Variants in UNC5C observed in about 807,000 individuals in gnomAD.
UNC5C encodes netrin receptor UNC5C.
In UNC5C, 47 loss-of-function variants were observed where a neutral mutation model predicts 99.8. The observed-to-expected ratio is 0.47, with a 90% confidence interval of 0.37 to 0.60. The LOEUF is 0.60. Among genes scored for constraint, UNC5C ranks in the 20% least tolerant of loss-of-function variants. The pLI is 0.00. For synonymous variants in UNC5C, 487 were observed against 452.2 expected (o/e 1.08, Z -0.98); for missense variants, 1,062 against 1,165.9 (o/e 0.91, Z 1.30).
intron 1 of UNC5C, among the ~76,000 whole-genome samples, chr4:95,524,563 G>A (rs962837484): frequency 7.9e-5 from 12 of 152,086 alleles, no homozygotes; most frequent in Admixed American, 3.3e-4. Flanking sequence ...CACCATATTG[G>A]GCCCATATTC....
At chr4:95,307,041 A>G (rs1301515690) in intron 2 of UNC5C, among the ~76,000 whole-genome samples, 2 of 152,170 alleles carry the variant, frequency 1.3e-5, no homozygotes, top group African/African-American at 4.8e-5. Context: ...CCCTGTCATT[A>G]TTTAGAAGGA....
chr4:95,287,025 T>C (rs1741262184), intron 3 of UNC5C, among the ~76,000 whole-genome samples: 1 of 152,222 alleles, frequency 6.6e-6, no homozygotes, highest in South Asian at 2.1e-4. Flanking sequence ...AGTTCAATGC[T>C]GAAAGTGTCA....
chr4:95,274,850 AC>A (rs1296170064), intron 4 of UNC5C, among the ~76,000 whole-genome samples: 1 of 151,948 alleles, frequency 6.6e-6, no homozygotes, highest in Non-Finnish European at 1.5e-5. Flanking sequence ...ACATAGTGAA[AC>A]CCCGTCTCTA....
Position 95,425,675 on chromosome 4 carries a change from T to G in UNC5C, c.125-90044A>C, listed in dbSNP as rs147310497. 6.7e-3 allele frequency among the ~76,000 whole-genome samples: 1,019 copies of G among 152,360 alleles called. 5 individuals carry two copies. Among genetic ancestry groups the G allele is most frequent in the Non-Finnish European group, 0.011 (769 of 68,034 alleles). The stretch of plus-strand genomic sequence containing the variant: ...ACTTGTTTTTTTATATTCATTACTT[T>G]ATATACCTTTCTGAAAACATAAAGC... On this transcript the variant is annotated intron_variant, in intron 1 of 15. Transcript: ENST00000453304.
intron 6 of UNC5C, 62 bp downstream of exon 6, chr4:95,244,915 C>T: frequency 6.3e-7 from 1 of 1,595,028 alleles, no homozygotes; most frequent in Middle Eastern, 1.7e-4. Context: ...TGTATCTATT[C>T]TCTAAAAGCA....
intron 10 of UNC5C, among the ~76,000 whole-genome samples, chr4:95,213,348 A>T (rs1203490150): frequency 1.3e-5 from 2 of 152,232 alleles, no homozygotes; most frequent in Non-Finnish European, 2.9e-5. Context: ...TGTTAGCAGC[A>T]TTAATTGTGG....
intron 1 of UNC5C, among the ~76,000 whole-genome samples, chr4:95,533,511 T>C (rs901763146): frequency 6.6e-6 from 1 of 152,096 alleles, no homozygotes; most frequent in African/African-American, 2.4e-5. Context: ...CATCATTAAA[T>C]ATAACATCGT....
chr4:95,537,864 G>A (rs1026790539), intron 1 of UNC5C, among the ~76,000 whole-genome samples: 9 of 152,022 alleles, frequency 5.9e-5, no homozygotes, highest in South Asian at 4.1e-4. Flanking sequence ...GGGGAGCGTC[G>A]TATAGTTTCA....
In UNC5C at chr4:95,468,060, A is replaced by T. The variant is rs1417038811; in HGVS notation, c.124+80674T>A. Among the ~76,000 whole-genome samples the T allele has an allele frequency of 2.0e-5, 3 of 151,416 alleles. No individual in the cohort carries two copies. The East Asian group carries it at 5.8e-4, about 29-fold the overall frequency. ...TGGTGGCAGAGGTGGAGGAAGTGAA[A>T]GGGAGGCAGGAGAGGAAGGCATACT... is the stretch of plus-strand genomic sequence containing the variant. On this transcript the variant is annotated intron_variant, in intron 1 of 15. Coordinates refer to ENST00000453304, the MANE Select transcript of UNC5C (RefSeq NM_003728.4).
chr4:95,501,731 G>T (rs1012883002), intron 1 of UNC5C, among the ~76,000 whole-genome samples: 9 of 152,068 alleles, frequency 5.9e-5, no homozygotes, highest in African/African-American at 2.2e-4. Context: ...TAAACCCAAG[G>T]ATTCTTTTGT....
At chr4:95,388,607 T>C (rs369075523) in intron 1 of UNC5C, among the ~76,000 whole-genome samples, 1 of 152,182 alleles carries the variant, frequency 6.6e-6, no homozygotes, top group Non-Finnish European at 1.5e-5. Context: ...GAGTTTCAAG[T>C]GTAATGATGC....
At chr4:95,339,078 T>C (rs921983325) in intron 1 of UNC5C, among the ~76,000 whole-genome samples, 3 of 152,240 alleles carry the variant, frequency 2.0e-5, no homozygotes, top group South Asian at 2.1e-4. Flanking sequence ...GCATCTTTAT[T>C]ACTGGATATT....
At chr4:95,181,965 A>G (rs1407598966) in intron 14 of UNC5C, among the ~76,000 whole-genome samples, 1 of 152,202 alleles carries the variant, frequency 6.6e-6, no homozygotes, top group Non-Finnish European at 1.5e-5. Context: ...TCATTTTCAC[A>G]TATGACAATC....
chr4:95,330,195 A>T (rs1040170780), intron 2 of UNC5C, among the ~76,000 whole-genome samples: 1 of 152,062 alleles, frequency 6.6e-6, no homozygotes, highest in Admixed American at 6.6e-5. Context: ...CTCTGCTAAG[A>T]TCAAACTCTT....
At chr4:95,381,392 C>T (rs984769237) in intron 1 of UNC5C, among the ~76,000 whole-genome samples, 1 of 152,130 alleles carries the variant, frequency 6.6e-6, no homozygotes, top group Admixed American at 6.5e-5. Flanking sequence ...GTGGGGATGC[C>T]AAGTTTCTAG....
chr4:95,327,728 G>C (rs1188691225), intron 2 of UNC5C, among the ~76,000 whole-genome samples: 1 of 152,076 alleles, frequency 6.6e-6, no homozygotes, highest in African/African-American at 2.4e-5. Context: ...GAGGAGCCTG[G>C]CCGCAGATGG....
intron 1 of UNC5C, among the ~76,000 whole-genome samples, chr4:95,494,060 C>A (rs553364668): frequency 1.3e-5 from 2 of 151,334 alleles, no homozygotes; most frequent in Non-Finnish European, 3.0e-5. Context: ...TCAGTTATTT[C>A]GGCTCACTCC....
intron 10 of UNC5C, among the ~76,000 whole-genome samples, chr4:95,210,775 A>G (rs948286271): frequency 3.9e-5 from 6 of 152,214 alleles, no homozygotes; most frequent in African/African-American, 1.4e-4. Flanking sequence ...ACAGAGAGAA[A>G]TTTCAGTTTC....
chr4:95,290,925 G>A (rs1419686036), intron 3 of UNC5C, among the ~76,000 whole-genome samples: 1 of 152,070 alleles, frequency 6.6e-6, no homozygotes, highest in Non-Finnish European at 1.5e-5. Flanking sequence ...AATTTCTTCA[G>A]TCGTGCCAAG....
Sources: gnomAD v4.1 joint callset for allele counts (sites outside exome capture counted in the v4.1 genomes callset) on GRCh38, gnomAD v4.1.1 for gene constraint, MANE v1.5 for transcripts, NCBI Gene and HGNC (gene_info 2026-07-23, HGNC 2026-07-21) for gene names.